Variants in GSN observed in about 807,000 individuals in gnomAD.
The protein encoded by GSN is gelsolin, also known as actin-depolymerizing factor.
In GSN, 56 loss-of-function variants were observed where a neutral mutation model predicts 85.7. The ratio of observed to expected loss-of-function variants is 0.65; its 90% CI spans 0.53 to 0.82. The LOEUF (loss-of-function observed/expected upper bound fraction) is 0.82. GSN is among the 40% of genes least tolerant of loss of function. The pLI is 0.00. For missense variants in GSN, 857 were observed against 979.8 expected (o/e 0.87, Z 1.67); for synonymous variants, 373 against 399.1 (o/e 0.93, Z 0.78).
chr9:121,314,663 GA>G lies in GSN; in HGVS notation c.753+648del, dbSNP rs576734330. ...ATGAAGTAATACATGTTTATTGTAA[GA>G]AAAAAAAGTATTCAAAATATAAAAA... is the stretch of plus-strand genomic sequence containing the variant. On this transcript the variant is annotated intron_variant, in intron 7 of 17. Coordinates refer to ENST00000432226, the MANE Select transcript of GSN (RefSeq NM_198252.3). Among the ~76,000 whole-genome samples the G allele has an allele frequency of 1.5e-4, 22 of 151,454 alleles. No homozygotes were observed. In the East Asian group the frequency reaches 3.3e-3, roughly 23 times the overall value.
In GSN at chr9:121,312,441, C is replaced by T. The variant is rs376060588; in HGVS notation, c.616C>T (p.Arg206Ter). 2.0e-5 allele frequency: 33 copies of T among 1,613,930 alleles called. No homozygotes were observed. The highest frequency in any genetic ancestry group is 1.7e-4 in the Admixed American group (10 of 60,002). ...GGACAACGAGCGGAGTGGCCGGGCC[C>T]GAGTGCACGTGTCTGAGGAGGGCAC... Reference protein sequence around the residue: ...IRDNERSGRARVHVSEEGTEP... With the variant: ...IRDNERSGRA The change falls in exon 6 of 18, where the codon CGA (arginine) becomes TGA (stop). Residue 206 changes from arginine to a stop codon, truncating the protein, a stop_gained. Transcript: ENST00000432226. LOFTEE classifies it high-confidence loss of function.
chr9:121,274,330 G>A (rs1183869365), intron 1 of GSN, among the ~76,000 whole-genome samples: 2 of 152,054 alleles, frequency 1.3e-5, no homozygotes, highest in Admixed American at 6.6e-5. Context: ...TGGTGTGCCT[G>A]TACCATGTTC....
At chr9:121,219,493 T>A (rs2054127967) in intron 4 of GSN, among the ~76,000 whole-genome samples, 1 of 152,186 alleles carries the variant, frequency 6.6e-6, no homozygotes, top group African/African-American at 2.4e-5. Context: ...GCAGCAGTTT[T>A]ATATGACTAG....
At chr9:121,262,340 C>T (rs964440879) in intron 6 of GSN, among the ~76,000 whole-genome samples, 3 of 152,290 alleles carry the variant, frequency 2.0e-5, no homozygotes, top group African/African-American at 7.2e-5. Context: ...ATTACTTATC[C>T]TTTTTGAGCC....
chr9:121,216,286 G>T (rs1336519681), intron 4 of GSN, among the ~76,000 whole-genome samples: 1 of 152,150 alleles, frequency 6.6e-6, no homozygotes, highest in Non-Finnish European at 1.5e-5. Context: ...CCATCAGAGT[G>T]ATCATTCTAC....
rs2063348060 is a variant in GSN at position 121,327,400 on chromosome 9, CGAGGCAGA to C, written c.1683_1690del (p.Ala562AspfsTer72). On this transcript the variant is annotated frameshift_variant, in exon 14 of 18. Transcript: ENST00000432226. LOFTEE classifies it high-confidence loss of function. ...ACCTGTGGGTGGGTACAGGAGCCAGCGAGGCAGAGAAGACGGGGGCCCAGGAGCTGCTC... is the reference window on the plus strand; with the variant it reads ...ACCTGTGGGTGGGTACAGGAGCCAGCGAAGACGGGGGCCCAGGAGCTGCTC... The C allele has an allele frequency of 6.2e-7, 1 of 1,613,022 alleles. No homozygotes were observed. The highest frequency in any genetic ancestry group is 2.2e-5 in the East Asian group (1 of 44,870).
chr9:121,282,019 G>T (rs1249520436), intron 2 of GSN: 1 of 474,896 alleles, frequency 2.1e-6, no homozygotes, highest in South Asian at 1.5e-5. Flanking sequence ...AGCACCTGAG[G>T]TGTGTGAGTC....
intron 4 of GSN, among the ~76,000 whole-genome samples, chr9:121,308,160 G>A (rs2060626516): frequency 6.6e-6 from 1 of 152,230 alleles, no homozygotes; most frequent in South Asian, 2.1e-4. Flanking sequence ...CTCCCTTGAA[G>A]GGGCCCTGGA....
chr9:121,317,004 G>A lies in GSN; in HGVS notation c.754-82G>A, dbSNP rs1312285832. ...ACTCTACAGGGCCATTTGGGACAGGGGGTGGGGCAAGATGGTGGAAGTCTC... is the reference window on the plus strand; with the variant it reads ...ACTCTACAGGGCCATTTGGGACAGGAGGTGGGGCAAGATGGTGGAAGTCTC... On this transcript the variant is annotated intron_variant, in intron 7 of 17. Coordinates refer to ENST00000432226, the MANE Select transcript of GSN (RefSeq NM_198252.3). 4.4e-6 allele frequency: 7 copies of A among 1,577,094 alleles called. No individual in the cohort carries two copies. In the Admixed American group the frequency reaches 1.2e-4, roughly 26 times the overall value.
Position 121,313,967 on chromosome 9 carries a change from A to G in GSN, c.697A>G (p.Thr233Ala), listed in dbSNP as rs1376747926. Residue 233 changes from threonine (T) to alanine (A), a missense_variant, in exon 7 of 18, where the codon ACC becomes GCC. Coordinates refer to ENST00000432226, the MANE Select transcript of GSN (RefSeq NM_198252.3). ...CCCCAAGCCGGCTCTGCCTGCAGGTACCGAGGACACCGCCAAGGAGGATGC... is the reference window on the plus strand; with the variant it reads ...CCCCAAGCCGGCTCTGCCTGCAGGTGCCGAGGACACCGCCAAGGAGGATGC... ...LGPKPALPAG[T>A]EDTAKEDAAN... is the part of the protein sequence containing the mutation. 1 of 1,614,174 alleles carries G rather than the reference A, an allele frequency of 6.2e-7. No individual in the cohort carries two copies. The highest frequency in any genetic ancestry group is 1.7e-5 in the Admixed American group (1 of 60,024).
chr9:121,329,139 C>T lies in GSN; in HGVS notation c.1888-99C>T. The T allele has an allele frequency of 3.4e-6, 5 of 1,472,070 alleles. No individual in the cohort carries two copies. Among genetic ancestry groups the T allele is most frequent in the Non-Finnish European group, 4.7e-6 (5 of 1,057,144 alleles). The allele number at this position is 1,472,070 out of a possible 1,614,324, so 91.2% of individuals were successfully genotyped here. ...TGGCACAGAGGAAGGGGCCCCCTGCCAGCTGCAGCCAGCTGTGCCACTCCC... is the reference window on the plus strand; with the variant it reads ...TGGCACAGAGGAAGGGGCCCCCTGCTAGCTGCAGCCAGCTGTGCCACTCCC... On this transcript the variant is annotated intron_variant, in intron 15 of 17. Coordinates refer to ENST00000432226, the MANE Select transcript of GSN (RefSeq NM_198252.3). This position sits in a 1 kb window ranked among gnomAD's most constrained non-coding sequence, Gnocchi z 4.6.
At chr9:121,286,886 T>TA (rs1359501387) in intron 2 of GSN, 1 of 779,590 alleles carries the variant, frequency 1.3e-6, no homozygotes, top group African/African-American at 1.7e-5. Flanking sequence ...CCTCCGTCTA[T>TA]AAAAGGAGAC....
chr9:121,296,180 A>G (rs1211507203), intron 2 of GSN, among the ~76,000 whole-genome samples: 4 of 152,242 alleles, frequency 2.6e-5, no homozygotes, highest in Admixed American at 2.0e-4. Context: ...CTCCCTGCCC[A>G]GGTCAGGTGG....
intron 1 of GSN, chr9:121,280,861 G>C (rs1364066013): frequency 6.6e-6 from 1 of 152,226 alleles, no homozygotes; most frequent in Non-Finnish European, 1.5e-5. Flanking sequence ...ACTGAATTCA[G>C]CCATGCAATA....
In GSN at chr9:121,318,815, C is replaced by G; in HGVS notation, c.1126C>G (p.Leu376Val). ...VERVPFDAAT[L>V]HTSTAMAAQH... is the part of the protein sequence containing the mutation. The stretch of plus-strand genomic sequence containing the variant: ...GCGGGTGCCCTTCGACGCCGCCACC[C>G]TGCACACCTCCACTGCCATGGCCGC... The change falls in exon 10 of 18, where the codon CTG becomes GTG. Residue 376 changes from leucine to valine, a missense_variant. Leu to Val is a conservative substitution (Grantham distance 32). Coordinates refer to ENST00000432226, the MANE Select transcript of GSN (RefSeq NM_198252.3). The surrounding 1 kb of genome is among the most constrained non-coding windows in gnomAD (Gnocchi z 4.3). The G allele has an allele frequency of 6.2e-7, 1 of 1,614,140 alleles. No individual in the cohort carries two copies. The highest frequency in any genetic ancestry group is 8.5e-7 in the Non-Finnish European group (1 of 1,180,018).
intron 4 of GSN, 189 bp from the exon 5 acceptor site, chr9:121,310,495 C>T: frequency 1.5e-6 from 1 of 657,076 alleles, no homozygotes; most frequent in South Asian, 1.7e-5. Context: ...ACCTCAGTTT[C>T]CTACTCTGAA....
chr9:121,299,951 G>T lies in GSN; in HGVS notation c.-9-2012G>T. ...CGCTGCCCGTCCGCGCGGCCACTGC[G>T]TCGCGGGGGGCGTCCCAGGCGGGGG... On this transcript the variant is annotated intron_variant, in intron 2 of 17. Transcript: ENST00000432226. This position sits in a 1 kb window ranked among gnomAD's most constrained non-coding sequence, Gnocchi z 4.2. 1 of 1,268,592 alleles carries T rather than the reference G, an allele frequency of 7.9e-7. No individual in the cohort carries two copies. The highest frequency in any genetic ancestry group is 3.6e-5 in the South Asian group (1 of 28,126). 78.6% of individuals were successfully genotyped at this position (1,268,592 alleles called of 1,614,324 possible). A position where few individuals can be genotyped will look rare whatever the true frequency, so the allele number is the denominator to read the frequency against.
upstream of GSN, among the ~76,000 whole-genome samples, chr9:121,267,223 T>C (rs1292544164): frequency 1.3e-5 from 2 of 152,238 alleles, no homozygotes; most frequent in South Asian, 4.1e-4. Flanking sequence ...GGCCGTCTTA[T>C]GCCTTGCTGC....
intron 6 of GSN, among the ~76,000 whole-genome samples, chr9:121,258,627 A>G (rs998107678): frequency 6.6e-6 from 1 of 152,194 alleles, no homozygotes; most frequent in African/African-American, 2.4e-5. Flanking sequence ...ACGTAAATTG[A>G]TATCAACATC....
Sources: gnomAD v4.1 joint callset for allele counts (sites outside exome capture counted in the v4.1 genomes callset) on GRCh38, gnomAD v4.1.1 for gene constraint, Gnocchi (gnomAD v3.1) non-coding constraint, MANE v1.5 for transcripts, NCBI Gene and HGNC (gene_info 2026-07-23, HGNC 2026-07-21) for gene names.